Variants in MDM1 observed in about 807,000 individuals in gnomAD.
MDM1 encodes the protein Mdm1 nuclear protein.
Under a neutral mutation model 89.1 loss-of-function variants are expected in MDM1, and 61 were observed. The ratio of observed to expected loss-of-function variants is 0.68; its 90% CI spans 0.56 to 0.85. The LOEUF (loss-of-function observed/expected upper bound fraction) is 0.85, where lower values mean the gene tolerates loss of function less well. MDM1 is among the 40% of genes least tolerant of loss of function. The pLI, the probability that MDM1 is intolerant of heterozygous loss-of-function variation, is 0.00. For missense variants in MDM1, 820 were observed against 846.5 expected (o/e 0.97, Z 0.39); for synonymous variants, 290 against 294.1 (o/e 0.99, Z 0.14).
chr12:68,301,972 C>T (rs1402967073), intron 13 of MDM1, among the ~76,000 whole-genome samples: 1 of 152,068 alleles, frequency 6.6e-6, no homozygotes, highest in Non-Finnish European at 1.5e-5. Flanking sequence ...AGCCACTGTG[C>T]CTGGCCAGGA....
intron 8 of MDM1, 73 bp downstream of exon 8, chr12:68,316,508 C>T: frequency 7.8e-7 from 1 of 1,282,216 alleles, no homozygotes; most frequent in Non-Finnish European, 1.1e-6. Context: ...ATATTGACAC[C>T]TACTTTTTAT....
At chr12:68,328,813 G>A (rs1158912679) in intron 2 of MDM1, among the ~76,000 whole-genome samples, 1 of 152,066 alleles carries the variant, frequency 6.6e-6, no homozygotes, top group Non-Finnish European at 1.5e-5. Flanking sequence ...AGCCATCCTC[G>A]GTAACACTGC....
intron 7 of MDM1, among the ~76,000 whole-genome samples, chr12:68,320,518 G>A (rs1375562641): frequency 2.0e-5 from 3 of 152,154 alleles, no homozygotes; most frequent in Admixed American, 6.6e-5. Flanking sequence ...GCAGCTCAGC[G>A]CACCCGAGCA....
intron 3 of MDM1, 183 bp from the exon 4 acceptor site, chr12:68,325,758 A>C: frequency 8.1e-7 from 1 of 1,236,766 alleles, no homozygotes; most frequent in Non-Finnish European, 1.0e-6. Context: ...TATAAATAGT[A>C]TCTTTTTTCA....
At chr12:68,317,332 T>C (rs1874631976) in intron 7 of MDM1, among the ~76,000 whole-genome samples, 1 of 152,150 alleles carries the variant, frequency 6.6e-6, no homozygotes, top group Admixed American at 6.5e-5. Flanking sequence ...AGTATCTTTA[T>C]TTAATCTCAA....
Position 68,315,141 on chromosome 12 carries a change from T to C in MDM1, c.1336A>G (p.Ile446Val). ...TEKLGVSAPT[I>V]PVRRRLAWDT... ...CAAGCCAGCCGCCTTCTAACGGGTA[T>C]GGTGGGAGCTGACACACCCAATTTC... Residue 446 changes from isoleucine (I) to valine (V), a missense_variant, in exon 10 of 15, where the codon ATA (isoleucine) becomes GTA (valine). Ile to Val is a conservative substitution (Grantham distance 29). Coordinates refer to ENST00000682720, the MANE Select transcript of MDM1 (RefSeq NM_001354969.2). The C allele has an allele frequency of 3.7e-6, 6 of 1,614,176 alleles. No homozygotes were observed. The highest frequency in any genetic ancestry group is 4.2e-6 in the Non-Finnish European group (5 of 1,180,028).
chr12:68,313,397 ATAAT>A (rs1454131404), intron 12 of MDM1, 42 bp downstream of exon 12: 1 of 1,303,032 alleles, frequency 7.7e-7, no homozygotes, highest in South Asian at 1.2e-5. Flanking sequence ...TGTGTCTACA[ATAAT>A]TAGTCCTAGA....
chr12:68,324,958 G>A (rs1875743603), intron 4 of MDM1: 1 of 940,082 alleles, frequency 1.1e-6, no homozygotes, highest in African/African-American at 1.8e-5. Context: ...TACTGACAAT[G>A]CCTATTACTA....
chr12:68,302,705 C>T lies in MDM1; in HGVS notation c.1917G>A (p.Leu639=). The T allele has an allele frequency of 6.2e-7, 1 of 1,613,916 alleles. No individual in the cohort carries two copies. Among genetic ancestry groups the T allele is most frequent in the East Asian group, 2.2e-5 (1 of 44,870 alleles). Residue 639 remains leucine, a synonymous_variant, in exon 13 of 15, where the codon TTG becomes TTA. Coordinates refer to ENST00000682720, the MANE Select transcript of MDM1 (RefSeq NM_001354969.2). Reference sequence around the variant, plus strand: ...AGGATGGAACATGTGGTGGAGAAGGCAACTGTCCAGGGGGATTTGTTGGGT... The same window carrying T: ...AGGATGGAACATGTGGTGGAGAAGGTAACTGTCCAGGGGGATTTGTTGGGT... ...PKYPTNPPGQ[L]PSPPHVPSYW...
intron 5 of MDM1, among the ~76,000 whole-genome samples, chr12:68,322,780 T>G (rs1875405116): frequency 6.6e-6 from 1 of 152,250 alleles, no homozygotes. Context: ...ACTTTGATAC[T>G]AAACTTATTA....
At position 68,327,125 on chromosome 12, in the gene MDM1, C is replaced by G. The variant is rs1414198414; in HGVS notation, c.134-104G>C. ...GAGAAATGAAATTTTAAATTTAGTT[C>G]AGATATATGTACCTATATATACACA... is the stretch of plus-strand genomic sequence containing the variant. On this transcript the variant is annotated intron_variant, in intron 2 of 14. Coordinates refer to ENST00000682720, the MANE Select transcript of MDM1 (RefSeq NM_001354969.2). 2.8e-6 allele frequency: 4 copies of G among 1,443,282 alleles called. No individual in the cohort carries two copies. The African/African-American group carries it at 4.3e-5, about 15-fold the overall frequency. 89.4% of individuals were successfully genotyped at this position (1,443,282 alleles called of 1,614,324 possible). A position where few individuals can be genotyped will look rare whatever the true frequency, so the allele number is the denominator to read the frequency against.
chr12:68,302,370 T>C (rs1017710281), intron 13 of MDM1, among the ~76,000 whole-genome samples: 35 of 152,224 alleles, frequency 2.3e-4, no homozygotes, highest in Admixed American at 2.3e-3. Context: ...ATCTATCTAG[T>C]GGATTCCCTG....
chr12:68,297,496 G>A (rs552720320), intron 13 of MDM1, among the ~76,000 whole-genome samples: 13 of 152,328 alleles, frequency 8.5e-5, no homozygotes, highest in African/African-American at 3.1e-4. Flanking sequence ...CAACCAACTT[G>A]TTCCCCTGAT....
chr12:68,332,103 T>C, intron 1 of MDM1, 125 bp downstream of exon 1: 1 of 1,374,252 alleles, frequency 7.3e-7, no homozygotes, highest in Non-Finnish European at 1.0e-6. Context: ...GAGCAGGCCC[T>C]GGGGCTGGCA....
chr12:68,296,678 C>T (rs1392579552), intron 14 of MDM1, among the ~76,000 whole-genome samples: 1 of 152,130 alleles, frequency 6.6e-6, no homozygotes, highest in East Asian at 1.9e-4. Context: ...GAACACTGAC[C>T]TCAGCTGTGA....
intron 4 of MDM1, among the ~76,000 whole-genome samples, chr12:68,324,655 G>C (rs1252738586): frequency 6.6e-6 from 1 of 152,090 alleles, no homozygotes; most frequent in Non-Finnish European, 1.5e-5. Context: ...GAATGTGAGG[G>C]TGTGTGAAAG....
At chr12:68,316,030 A>C in intron 9 of MDM1, 48 bp downstream of exon 9, 1 of 1,525,158 alleles carries the variant, frequency 6.6e-7, no homozygotes, top group Non-Finnish European at 8.9e-7. Context: ...TCTATGATCT[A>C]CATAAGCTTC....
intron 2 of MDM1, 112 bp downstream of exon 2, chr12:68,330,995 A>C: frequency 1.5e-6 from 1 of 678,516 alleles, no homozygotes; most frequent in Non-Finnish European, 2.7e-6. Context: ...TGAACTTTTA[A>C]TATATCATTT....
intron 7 of MDM1, among the ~76,000 whole-genome samples, chr12:68,319,522 A>G (rs1328369106): frequency 6.6e-6 from 1 of 152,222 alleles, no homozygotes; most frequent in Non-Finnish European, 1.5e-5. Context: ...GGAGTACTGT[A>G]CCTTATATTT....
Sources: allele counts gnomAD v4.1 joint callset (sites outside exome capture counted in the v4.1 genomes callset), GRCh38; gene constraint gnomAD v4.1.1; transcripts MANE v1.5; gene names NCBI Gene and HGNC (gene_info 2026-07-23, HGNC 2026-07-21).